Variants in AKAP13 observed in about 807,000 individuals in gnomAD.
AKAP13 encodes A-kinase anchor protein 13.
Under a neutral mutation model 264.5 loss-of-function variants are expected in AKAP13, and 80 were observed. The observed-to-expected ratio is 0.30, with a 90% CI of 0.25 to 0.36. AKAP13 has a LOEUF of 0.36. Among genes scored for constraint, AKAP13 ranks in the 10% least tolerant of loss-of-function variants. AKAP13 has a pLI of 1.00. For synonymous variants in AKAP13, 1,380 were observed against 1,250.2 expected (o/e 1.10, Z -2.19); for missense variants, 3,712 against 3,435.2 (o/e 1.08, Z -2.01).
intron 1 of AKAP13, among the ~76,000 whole-genome samples, chr15:85,421,182 G>A (rs1277536595): frequency 6.6e-6 from 1 of 152,194 alleles, no homozygotes; most frequent in Admixed American, 6.5e-5. Context: ...AACAGTCCAA[G>A]GCACATATAA....
At chr15:85,649,100 G>C (rs1451556833) in intron 10 of AKAP13, among the ~76,000 whole-genome samples, 2 of 152,122 alleles carry the variant, frequency 1.3e-5, no homozygotes, top group Non-Finnish European at 2.9e-5. Context: ...ATATTGACAG[G>C]ATACTTACTG....
intron 15 of AKAP13, chr15:85,684,489 A>C (rs965880232): frequency 3.1e-6 from 1 of 319,004 alleles, no homozygotes; most frequent in Non-Finnish European, 5.7e-6. Context: ...GCGTGAGCTC[A>C]GGAGTTCAAG....
intron 2 of AKAP13, among the ~76,000 whole-genome samples, chr15:85,516,836 A>G (rs945109463): frequency 2.6e-5 from 4 of 152,264 alleles, no homozygotes; most frequent in Non-Finnish European, 5.9e-5. Context: ...AGTTGTGAAG[A>G]CACGCAGCAG....
intron 8 of AKAP13, among the ~76,000 whole-genome samples, chr15:85,613,439 T>G (rs1448760926): frequency 6.6e-6 from 1 of 152,038 alleles, no homozygotes; most frequent in African/African-American, 2.4e-5. Flanking sequence ...CCCAGCACTT[T>G]GGGAGTCCAA....
At chr15:85,628,346 G>A (rs928742315) in intron 8 of AKAP13, among the ~76,000 whole-genome samples, 5 of 152,180 alleles carry the variant, frequency 3.3e-5, no homozygotes, top group African/African-American at 1.2e-4. Flanking sequence ...CTGGCTAGTT[G>A]TGTGGATGAG....
At chr15:85,597,787 G>A (rs1354524530) in intron 8 of AKAP13, among the ~76,000 whole-genome samples, 1 of 152,082 alleles carries the variant, frequency 6.6e-6, no homozygotes, top group East Asian at 1.9e-4. Flanking sequence ...TGCTTGTTGT[G>A]TGTTACCTTC....
chr15:85,717,924 C>T, intron 21 of AKAP13, 83 bp from the exon 22 acceptor site: 1 of 1,361,310 alleles, frequency 7.3e-7, no homozygotes, highest in Non-Finnish European at 1.0e-6. Context: ...ATGAAATCAA[C>T]TATCATCTTG....
intron 7 of AKAP13, among the ~76,000 whole-genome samples, chr15:85,584,545 T>G (rs577964295): frequency 8.5e-5 from 13 of 152,220 alleles, no homozygotes; most frequent in Non-Finnish European, 1.8e-4. Flanking sequence ...TTTAATAACA[T>G]TTTATGAAAT....
At chr15:85,384,710 C>G (rs1043679126) in intron 1 of AKAP13, among the ~76,000 whole-genome samples, 13 of 143,260 alleles carry the variant, frequency 9.1e-5, no homozygotes, top group Non-Finnish European at 1.7e-4. Flanking sequence ...GAGCGAGACT[C>G]CGTCTGAAAA....
At chr15:85,468,302 C>A (rs1295038292) in intron 1 of AKAP13, among the ~76,000 whole-genome samples, 1 of 152,086 alleles carries the variant, frequency 6.6e-6, no homozygotes, top group East Asian at 1.9e-4. Flanking sequence ...GAGTCTTAGC[C>A]CTTCTAGAGG....
chr15:85,441,592 C>A (rs1432007675), intron 1 of AKAP13, among the ~76,000 whole-genome samples: 2 of 152,004 alleles, frequency 1.3e-5, no homozygotes, highest in African/African-American at 4.8e-5. Flanking sequence ...GCCAAGATCA[C>A]AAAGATTTTC....
At chr15:85,470,749 A>G (rs2074931081) in intron 1 of AKAP13, among the ~76,000 whole-genome samples, 1 of 152,216 alleles carries the variant, frequency 6.6e-6, no homozygotes, top group Non-Finnish European at 1.5e-5. Context: ...ACATGCAGTT[A>G]GACAAAGGCT....
intron 5 of AKAP13, among the ~76,000 whole-genome samples, chr15:85,558,097 C>A (rs1183403918): frequency 6.6e-6 from 1 of 152,110 alleles, no homozygotes; most frequent in Non-Finnish European, 1.5e-5. Context: ...TTTTTAGAAT[C>A]TTTGCTTCAG....
intron 2 of AKAP13, among the ~76,000 whole-genome samples, chr15:85,505,090 C>G (rs1283918981): frequency 6.6e-6 from 1 of 152,222 alleles, no homozygotes; most frequent in East Asian, 1.9e-4. Flanking sequence ...AACTTACACT[C>G]TTACAATTTT....
At chr15:85,653,729 T>G (rs2082972945) in intron 10 of AKAP13, among the ~76,000 whole-genome samples, 1 of 152,156 alleles carries the variant, frequency 6.6e-6, no homozygotes, top group African/African-American at 2.4e-5. Flanking sequence ...TGGAAAATAT[T>G]GTGAAAAAGG....
Position 85,399,502 on chromosome 15 carries a change from CA to C in AKAP13, c.-12+18724del, listed in dbSNP as rs71138392. Among the ~76,000 whole-genome samples the C allele has an allele frequency of 1.1e-3, 83 of 77,072 alleles. 2 individuals carry two copies. Among genetic ancestry groups the C allele is most frequent in the East Asian group, 8.2e-3 (22 of 2,668 alleles). 50.6% of individuals were successfully genotyped at this position (77,072 alleles called of 152,430 possible). A position where few individuals can be genotyped will look rare whatever the true frequency, so the allele number is the denominator to read the frequency against. On this transcript the variant is annotated intron_variant, in intron 1 of 36. Transcript: ENST00000394518. ...TGGGCGACAGAGCGAGACTCCGTCTCAAAAAAAAAAAAAAAAAAAATAAAAA... is the reference window on the plus strand; with the variant it reads ...TGGGCGACAGAGCGAGACTCCGTCTCAAAAAAAAAAAAAAAAAAATAAAAA...
intron 2 of AKAP13, among the ~76,000 whole-genome samples, chr15:85,514,768 CA>C (rs1041320312): frequency 3.7e-5 from 5 of 136,026 alleles, no homozygotes. Context: ...AATTGCCTAT[CA>C]ATTGTATGTT....
chr15:85,652,207 A>G (rs2082889594), intron 10 of AKAP13, among the ~76,000 whole-genome samples: 1 of 152,196 alleles, frequency 6.6e-6, no homozygotes, highest in South Asian at 2.1e-4. Context: ...TAAACAGGCC[A>G]CCAAAGATTT....
At chr15:85,545,980 A>G (rs2077722525) in intron 5 of AKAP13, among the ~76,000 whole-genome samples, 1 of 152,058 alleles carries the variant, frequency 6.6e-6, no homozygotes, top group Non-Finnish European at 1.5e-5. Flanking sequence ...CCCAAACTGA[A>G]CTTCCTTTTC....
Sources: allele counts gnomAD v4.1 joint callset (sites outside exome capture counted in the v4.1 genomes callset), GRCh38; gene constraint gnomAD v4.1.1; transcripts MANE v1.5; gene names NCBI Gene and HGNC (gene_info 2026-07-23, HGNC 2026-07-21).